DPP10: variants seen among roughly 807,000 people sequenced by gnomAD.
The protein encoded by DPP10 is inactive dipeptidyl peptidase 10.
A neutral mutation model predicts 120.9 loss-of-function variants in DPP10; 33 were observed. The ratio of observed to expected loss-of-function variants is 0.27; its 90% confidence interval spans 0.21 to 0.37. The LOEUF (loss-of-function observed/expected upper bound fraction) is 0.37. Ranked by LOEUF, DPP10 falls within the 10% of genes least tolerant of loss-of-function variation. DPP10 has a pLI of 1.00. For missense variants in DPP10, 816 were observed against 942.8 expected, an observed-to-expected ratio of 0.87 and a Z score of 1.76; for synonymous variants, 337 against 326.1, an observed-to-expected ratio of 1.03 and a Z score of -0.36.
intron 21 of DPP10, among the ~76,000 whole-genome samples, chr2:115,824,504 A>AT (rs779065143): frequency 2.0e-5 from 3 of 151,708 alleles, no homozygotes; most frequent in East Asian, 1.9e-4. Flanking sequence ...CCAGTGTGTG[A>AT]TTTTCCCCTC....
At chr2:115,272,768 C>G (rs2059752022) in intron 1 of DPP10, among the ~76,000 whole-genome samples, 1 of 152,272 alleles carries the variant, frequency 6.6e-6, no homozygotes, top group Admixed American at 6.5e-5. Flanking sequence ...CGCACCTGCA[C>G]TGGCTCACAT....
intron 1 of DPP10, among the ~76,000 whole-genome samples, chr2:115,290,382 T>C (rs2060603373): frequency 2.0e-5 from 3 of 152,216 alleles, no homozygotes; most frequent in African/African-American, 7.2e-5. Context: ...GATTAATGGA[T>C]GATAGAGGTA....
At chr2:115,477,053 C>G (rs919241293) in intron 3 of DPP10, among the ~76,000 whole-genome samples, 1 of 152,096 alleles carries the variant, frequency 6.6e-6, no homozygotes, top group East Asian at 1.9e-4. Flanking sequence ...ACCCATAGCA[C>G]ACATTACTCG....
intron 1 of DPP10, among the ~76,000 whole-genome samples, chr2:114,867,616 T>TTGAACTA (rs1464677474): frequency 2.0e-5 from 3 of 152,214 alleles, no homozygotes; most frequent in South Asian, 2.1e-4. Context: ...TAATATGATC[T>TTGAACTA]TGCTCGAACT....
At chr2:115,253,391 AT>A (rs1475791348) in intron 1 of DPP10, among the ~76,000 whole-genome samples, 3 of 152,138 alleles carry the variant, frequency 2.0e-5, no homozygotes, top group Non-Finnish European at 4.4e-5. Context: ...AAATACAAAA[AT>A]CTTGTCCCAA....
rs139458558 is a variant in DPP10, at chr2:115,029,126, T to A, written c.61-280113T>A. Among the ~76,000 whole-genome samples, 87 of 152,208 alleles carry A rather than the reference T, an allele frequency of 5.7e-4. 3 individuals carry two copies. Among genetic ancestry groups the A allele is most frequent in the African/African-American group, 1.9e-3 (80 of 41,570 alleles). On this transcript the variant is annotated intron_variant, in intron 1 of 25. Coordinates refer to ENST00000410059, the MANE Select transcript of DPP10 (RefSeq NM_020868.6). ...TATTTTCTGGCTGTTTTATAACTCA[T>A]TTTTTTCTTTTCTTCCTTTTTTTAC...
chr2:114,874,239 T>A (rs1690955733), intron 1 of DPP10, among the ~76,000 whole-genome samples: 1 of 152,150 alleles, frequency 6.6e-6, no homozygotes, highest in Non-Finnish European at 1.5e-5. Flanking sequence ...GTGATCCATT[T>A]GTGAATAAGC....
intron 1 of DPP10, among the ~76,000 whole-genome samples, chr2:115,109,381 A>C (rs2049101623): frequency 6.6e-6 from 1 of 151,874 alleles, no homozygotes; most frequent in Non-Finnish European, 1.5e-5. Flanking sequence ...ACTAAAATAC[A>C]AAAAATTAGC....
At chr2:114,937,722 C>A (rs908000505) in intron 1 of DPP10, among the ~76,000 whole-genome samples, 2 of 152,108 alleles carry the variant, frequency 1.3e-5, no homozygotes, top group African/African-American at 4.8e-5. Flanking sequence ...CCTTTTATGG[C>A]CACACTACTC....
chr2:114,692,473 T>C (rs540920798), intron 1 of DPP10, among the ~76,000 whole-genome samples: 1 of 152,234 alleles, frequency 6.6e-6, no homozygotes, highest in East Asian at 1.9e-4. Context: ...TTAGTTCTTT[T>C]GCATTTGCTG....
At chr2:115,421,869 CAAAAAAAAAAA>C (rs10610510) in intron 3 of DPP10, among the ~76,000 whole-genome samples, 3 of 46,884 alleles carry the variant, frequency 6.4e-5, no homozygotes, top group Admixed American at 3.9e-4. Flanking sequence ...GACTCCATCT[CAAAAAAAAAAA>C]AAAAAAAAAA....
intron 1 of DPP10, among the ~76,000 whole-genome samples, chr2:115,122,574 C>A (rs563056236): frequency 6.6e-6 from 1 of 152,178 alleles, no homozygotes; most frequent in Non-Finnish European, 1.5e-5. Flanking sequence ...GGCAATGAGC[C>A]GAGACACATC....
rs541967027 is a variant in DPP10 at position 114,617,327 on chromosome 2, A to C, written c.60+174489A>C. On this transcript the variant is annotated intron_variant, in intron 1 of 25. Coordinates refer to ENST00000410059, the MANE Select transcript of DPP10 (RefSeq NM_020868.6). ...ATTGTAGTTAGTAGAAAACTGTCCCAACTTTTAGACATGTATAAGGAATTA... is the reference window on the plus strand; with the variant it reads ...ATTGTAGTTAGTAGAAAACTGTCCCCACTTTTAGACATGTATAAGGAATTA... 1.5e-4 allele frequency among the ~76,000 whole-genome samples: 23 copies of C among 152,236 alleles called. 1 individual carries two copies. The highest frequency in any genetic ancestry group is 5.5e-4 in the African/African-American group (23 of 41,570).
At chr2:114,678,141 G>A (rs7608845) in intron 1 of DPP10, among the ~76,000 whole-genome samples, 47,606 of 151,794 alleles carry the variant, frequency 0.31, 7,831 homozygotes, top group South Asian at 0.42. Flanking sequence ...ACAATGAGAG[G>A]AAATATCTTT....
intron 3 of DPP10, among the ~76,000 whole-genome samples, chr2:115,428,512 G>A (rs568503157): frequency 6.6e-6 from 1 of 152,234 alleles, no homozygotes; most frequent in East Asian, 1.9e-4. Flanking sequence ...TGAAGCAGGA[G>A]CTTGCACACA....
chr2:114,472,595 CT>C (rs1680014410), intron 1 of DPP10, among the ~76,000 whole-genome samples: 1 of 152,094 alleles, frequency 6.6e-6, no homozygotes, highest in Non-Finnish European at 1.5e-5. Flanking sequence ...GCGTCTCAGC[CT>C]AATATTTGTC....
intron 13 of DPP10, among the ~76,000 whole-genome samples, chr2:115,771,251 T>G (rs1681430043): frequency 6.6e-6 from 1 of 151,914 alleles, no homozygotes; most frequent in Non-Finnish European, 1.5e-5. Context: ...ATTTTTGTAT[T>G]TTTAGTAGAG....
At chr2:114,632,439 A>G (rs1694990875) in intron 1 of DPP10, among the ~76,000 whole-genome samples, 1 of 151,498 alleles carries the variant, frequency 6.6e-6, no homozygotes, top group Non-Finnish European at 1.5e-5. Context: ...TTTCTCTAAA[A>G]GAAGTTTCCT....
intron 2 of DPP10, among the ~76,000 whole-genome samples, chr2:115,338,697 G>A (rs1266983065): frequency 6.6e-6 from 1 of 152,144 alleles, no homozygotes; most frequent in Admixed American, 6.5e-5. Context: ...CAAAAATGAA[G>A]TTGGAACAAT....
Sources: gnomAD v4.1 joint callset for allele counts (sites outside exome capture counted in the v4.1 genomes callset) on GRCh38, gnomAD v4.1.1 for gene constraint, MANE v1.5 for transcripts, NCBI Gene and HGNC (gene_info 2026-07-23, HGNC 2026-07-21) for gene names.